ERGIC1: variants seen among roughly 807,000 people sequenced by gnomAD.
ERGIC1 encodes the protein endoplasmic reticulum-Golgi intermediate compartment protein 1.
ERGIC1 carries 19 observed loss-of-function variants against 38.3 expected under a neutral mutation model. The ratio of observed to expected loss-of-function variants is 0.50; its 90% CI spans 0.35 to 0.73. The LOEUF (loss-of-function observed/expected upper bound fraction) is 0.73. Ranked by LOEUF, ERGIC1 falls within the 30% of genes least tolerant of loss-of-function variation. The pLI is 0.01. For synonymous variants in ERGIC1, 124 were observed against 157.6 expected (o/e 0.79, Z 1.60); for missense variants, 294 against 389.2 (o/e 0.76, Z 2.06).
intron 1 of ERGIC1, among the ~76,000 whole-genome samples, chr5:172,865,552 G>C (rs1761835812): frequency 6.6e-6 from 1 of 152,046 alleles, no homozygotes; most frequent in South Asian, 2.1e-4. Context: ...CCCCCATGTG[G>C]CCACCCCCAG....
chr5:172,926,234 G>A lies in ERGIC1; in HGVS notation c.481-275G>A, dbSNP rs553265222. Among the ~76,000 whole-genome samples the A allele has an allele frequency of 2.5e-4, 38 of 152,256 alleles. No homozygotes were observed. The highest frequency in any genetic ancestry group is 9.7e-4 in the East Asian group (5 of 5,180). On this transcript the variant is annotated intron_variant, in intron 6 of 9. Transcript: ENST00000393784. This position sits in a 1 kb window ranked among gnomAD's most constrained non-coding sequence, Gnocchi z 5.2. ...CCTTGATTTGCTCTTCTGTAAAATGGGCCCAATAATACATCATTAGGGGCA... is the reference window on the plus strand; with the variant it reads ...CCTTGATTTGCTCTTCTGTAAAATGAGCCCAATAATACATCATTAGGGGCA...
chr5:172,908,300 C>CGGGG (rs374463442), intron 3 of ERGIC1, among the ~76,000 whole-genome samples: 1 of 17,152 alleles, frequency 5.8e-5, no homozygotes, highest in Non-Finnish European at 9.3e-5. Context: ...GAGGCTGAGG[C>CGGGG]GGGGGCGGGG....
chr5:172,929,149 A>ATGTG (rs1367026074), intron 7 of ERGIC1, among the ~76,000 whole-genome samples: 32 of 67,490 alleles, frequency 4.7e-4, no homozygotes, highest in African/African-American at 1.4e-3. Flanking sequence ...TGTCATATAT[A>ATGTG]TATATGTGTG....
chr5:172,908,343 A>AGGGGGGAGGGGGGG (rs1561729802), intron 3 of ERGIC1, among the ~76,000 whole-genome samples: 1 of 1,448 alleles, frequency 6.9e-4, no homozygotes, highest in Admixed American at 9.6e-3. Context: ...GGGAGGGGGG[A>AGGGGGGAGGGGGGG]GGGGGGGGGT....
rs558844367 is a variant in ERGIC1 at position 172,913,870 on chromosome 5, G to GTGAA, written c.251-834_251-831dup. On this transcript the variant is annotated intron_variant, in intron 4 of 9. Transcript: ENST00000393784. ...GCATAGGCGATGGGTAAAGGAAGGTGTGAATGAATGAATAAGTGAATGATG... is the reference window on the plus strand; with the variant it reads ...GCATAGGCGATGGGTAAAGGAAGGTGTGAATGAATGAATGAATAAGTGAATGATG... Among the ~76,000 whole-genome samples the GTGAA allele has an allele frequency of 2.1e-4, 32 of 152,288 alleles. No homozygotes were observed. The East Asian group carries it at 4.1e-3, about 19-fold the overall frequency.
intron 9 of ERGIC1, among the ~76,000 whole-genome samples, chr5:172,941,688 T>C (rs1340631960): frequency 6.6e-6 from 1 of 152,222 alleles, no homozygotes; most frequent in East Asian, 1.9e-4. Context: ...GGAAGAACTA[T>C]TAGAGCAGGA....
At chr5:172,881,525 A>G (rs189826234) in intron 1 of ERGIC1, among the ~76,000 whole-genome samples, 45 of 152,260 alleles carry the variant, frequency 3.0e-4, no homozygotes, top group Admixed American at 7.2e-4. Context: ...GCTAGGAGGG[A>G]GTGTTTCTTA....
chr5:172,909,242 T>C (rs1763145080), intron 3 of ERGIC1, among the ~76,000 whole-genome samples: 1 of 138,564 alleles, frequency 7.2e-6, no homozygotes, highest in African/African-American at 2.7e-5. Context: ...CAATCTCGGC[T>C]CACTGCAACC....
intron 1 of ERGIC1, among the ~76,000 whole-genome samples, chr5:172,844,957 C>G (rs1761248588): frequency 6.6e-6 from 1 of 152,180 alleles, no homozygotes. Flanking sequence ...AGACTAAAGG[C>G]TTTTCTTGGA....
intron 3 of ERGIC1, chr5:172,905,267 T>G: frequency 3.4e-6 from 1 of 294,416 alleles, no homozygotes; most frequent in East Asian, 8.0e-5. Flanking sequence ...TAGTTGACTG[T>G]GTGTTAATCA....
chr5:172,879,396 G>A (rs1047485500), intron 1 of ERGIC1, among the ~76,000 whole-genome samples: 9 of 152,132 alleles, frequency 5.9e-5, no homozygotes, highest in African/African-American at 9.7e-5. Context: ...TTTTAGCACC[G>A]ACCTTCCTGT....
At chr5:172,882,953 A>G (rs1762321240) in intron 1 of ERGIC1, among the ~76,000 whole-genome samples, 1 of 152,080 alleles carries the variant, frequency 6.6e-6, no homozygotes, top group Non-Finnish European at 1.5e-5. Flanking sequence ...ACTATTAGAG[A>G]TGGTGGTCTC....
intron 3 of ERGIC1, among the ~76,000 whole-genome samples, chr5:172,907,819 T>A (rs1763074094): frequency 6.6e-6 from 1 of 152,092 alleles, no homozygotes; most frequent in African/African-American, 2.4e-5. Flanking sequence ...GCGTTGGGGG[T>A]GGCAGCATAT....
intron 1 of ERGIC1, among the ~76,000 whole-genome samples, chr5:172,876,816 A>G (rs1387246135): frequency 6.6e-6 from 1 of 152,190 alleles, no homozygotes; most frequent in East Asian, 1.9e-4. Context: ...AGACAGAACC[A>G]TACCATATGG....
chr5:172,922,945 C>G (rs1763560313), intron 5 of ERGIC1, among the ~76,000 whole-genome samples: 1 of 152,152 alleles, frequency 6.6e-6, no homozygotes, highest in Admixed American at 6.5e-5. Context: ...ACCAGGGCAG[C>G]AGAGAAGAGG....
chr5:172,941,533 C>G (rs148447726), intron 9 of ERGIC1, among the ~76,000 whole-genome samples: 1 of 152,126 alleles, frequency 6.6e-6, no homozygotes, highest in Non-Finnish European at 1.5e-5. Flanking sequence ...ACATCCCCTA[C>G]CCCCAGCACT....
At position 172,837,720 on chromosome 5, in the gene ERGIC1, C is replaced by T. The variant is rs1283839255; in HGVS notation, c.20+3287C>T. On this transcript the variant is annotated intron_variant, in intron 1 of 9. Coordinates refer to ENST00000393784, the MANE Select transcript of ERGIC1 (RefSeq NM_001031711.3). The surrounding 1 kb of genome is among the most constrained non-coding windows in gnomAD (Gnocchi z 4.3). The stretch of plus-strand genomic sequence containing the variant: ...TGGGGTTAAGGAAGGAGGCAGAACG[C>T]AGGGGAGGGAGGCTGAGCTTTCAAT... Among the ~76,000 whole-genome samples the T allele has an allele frequency of 6.6e-6, 1 of 152,226 alleles. No homozygotes were observed. The highest frequency in any genetic ancestry group is 2.4e-5 in the African/African-American group (1 of 41,450).
chr5:172,935,595 G>A (rs1699841466), intron 9 of ERGIC1: 2 of 346,904 alleles, frequency 5.8e-6, no homozygotes, highest in Non-Finnish European at 1.1e-5. Flanking sequence ...TCCACTAGAT[G>A]TTTAGGATTT....
chr5:172,908,346 G>GGGGAGGGGGGAC (rs1554111896), intron 3 of ERGIC1, among the ~76,000 whole-genome samples: 1 of 61,948 alleles, frequency 1.6e-5, no homozygotes, highest in Admixed American at 1.5e-4. Flanking sequence ...AGGGGGGAGG[G>GGGGAGGGGGGAC]GGGGGGTGGA....
Sources: allele counts gnomAD v4.1 joint callset (sites outside exome capture counted in the v4.1 genomes callset), GRCh38; gene constraint gnomAD v4.1.1; non-coding constraint Gnocchi (gnomAD v3.1); transcripts MANE v1.5; gene names NCBI Gene and HGNC (gene_info 2026-07-23, HGNC 2026-07-21).